The following CEP57L1 variants were observed in gnomAD, a reference collection of about 807,000 sequenced individuals.
The protein encoded by CEP57L1 is centrosomal protein CEP57L1.
In CEP57L1, 37 loss-of-function variants were observed where a neutral mutation model predicts 61.0. That is an observed-to-expected ratio of 0.61 (90% confidence interval 0.47 to 0.80). The LOEUF (loss-of-function observed/expected upper bound fraction) is 0.80, where lower values mean the gene tolerates loss of function less well. Among genes scored for constraint, CEP57L1 ranks in the 30% least tolerant of loss-of-function variants. CEP57L1 has a pLI of 0.00. For missense variants in CEP57L1, 422 were observed against 524.7 expected, an observed-to-expected ratio of 0.80 and a Z score of 1.91; for synonymous variants, 137 against 162.3, an observed-to-expected ratio of 0.84 and a Z score of 1.19.
intron 1 of CEP57L1, among the ~76,000 whole-genome samples, chr6:109,123,306 T>C (rs1773187821): frequency 6.6e-6 from 1 of 152,162 alleles, no homozygotes; most frequent in Non-Finnish European, 1.5e-5. Context: ...ATCTATAAAA[T>C]TGGCATGTCT....
intron 4 of CEP57L1, among the ~76,000 whole-genome samples, chr6:109,151,501 A>G (rs1006026549): frequency 6.6e-6 from 1 of 152,060 alleles, no homozygotes; most frequent in Admixed American, 6.5e-5. Flanking sequence ...TATAGTTTTC[A>G]TACATTTTAT....
rs1290567264 is a variant in CEP57L1 at position 109,165,406 on chromosome 6, C to CT, written c.*2437dup. Reference sequence around the variant, plus strand: ...AACACTCAATAAATATTTTTTGAATCTGAGTGGCAAAAAAAAAAAAAAAAT... The same window carrying CT: ...AACACTCAATAAATATTTTTTGAATCTTGAGTGGCAAAAAAAAAAAAAAAAT... On this transcript the variant is annotated 3_prime_UTR_variant, in exon 11 of 11. Transcript: ENST00000517392. Among the ~76,000 whole-genome samples the CT allele has an allele frequency of 6.8e-6, 1 of 146,212 alleles. No individual in the cohort carries two copies. Among genetic ancestry groups the CT allele is most frequent in the African/African-American group, 2.5e-5 (1 of 39,324 alleles).
intron 1 of CEP57L1, among the ~76,000 whole-genome samples, chr6:109,110,071 G>A (rs1771412348): frequency 6.6e-6 from 1 of 152,068 alleles, no homozygotes; most frequent in Non-Finnish European, 1.5e-5. Flanking sequence ...GGGATCACTG[G>A]GTCAAATGGT....
chr6:109,125,396 TG>T (rs1318165432), intron 1 of CEP57L1, among the ~76,000 whole-genome samples: 1 of 151,696 alleles, frequency 6.6e-6, no homozygotes, highest in African/African-American at 2.4e-5. Context: ...CAATTAATTC[TG>T]ACTATTAAGT....
rs189564991 is a variant in CEP57L1 at position 109,110,362 on chromosome 6, T to C, written c.-4+14787T>C. On this transcript the variant is annotated intron_variant, in intron 1 of 10. Transcript: ENST00000517392. ...TTCTTTTGAGAAGTGTCTGTTCATA[T>C]CCTTCACCCACTTTTTGACATGGTT... 1.1e-4 allele frequency among the ~76,000 whole-genome samples: 16 copies of C among 152,362 alleles called. 1 individual carries two copies. The East Asian group carries it at 2.9e-3, about 28-fold the overall frequency.
chr6:109,172,342 A>G lies in CEP57L1; in HGVS notation c.*9372A>G, dbSNP rs1774443319. ...CTGATAGCCCATGTGGCTGACCTTC[A>G]GTTTTCAGCCCCTCCAAAGATGGAG... On this transcript the variant is annotated 3_prime_UTR_variant, in exon 11 of 11. Coordinates refer to ENST00000517392, the MANE Select transcript of CEP57L1 (RefSeq NM_001271852.3). 6.6e-6 allele frequency among the ~76,000 whole-genome samples: 1 copy of G among 152,222 alleles called. No homozygotes were observed. Among genetic ancestry groups the G allele is most frequent in the South Asian group, 2.1e-4 (1 of 4,832 alleles).
At chr6:109,160,167 T>C (rs1730601458) in intron 9 of CEP57L1, among the ~76,000 whole-genome samples, 2 of 152,200 alleles carry the variant, frequency 1.3e-5, no homozygotes, top group Admixed American at 1.3e-4. Context: ...CTATTAACAG[T>C]ATTTCAGTAG....
chr6:109,116,110 ATTT>A (rs1376935546), intron 1 of CEP57L1, among the ~76,000 whole-genome samples: 166 of 148,456 alleles, frequency 1.1e-3, no homozygotes, highest in African/African-American at 4.0e-3. Context: ...ATTTTATTTT[ATTT>A]TATGTTATGT....
At chr6:109,105,968 CT>C (rs1770889384) in intron 1 of CEP57L1, 1 of 152,194 alleles carries the variant, frequency 6.6e-6, no homozygotes, top group African/African-American at 2.4e-5. Flanking sequence ...TGTGAGAGAT[CT>C]AGGTTGCACA....
At chr6:109,154,972 A>G (rs1773067486) in intron 5 of CEP57L1, among the ~76,000 whole-genome samples, 1 of 152,098 alleles carries the variant, frequency 6.6e-6, no homozygotes, top group African/African-American at 2.4e-5. Flanking sequence ...CTGGAAGTTA[A>G]TAAAGCCTGT....
intron 3 of CEP57L1, among the ~76,000 whole-genome samples, chr6:109,149,058 A>G (rs1184282235): frequency 2.0e-5 from 3 of 152,086 alleles, no homozygotes; most frequent in African/African-American, 4.8e-5. Context: ...ATTTTCTCCC[A>G]TTCTGTAGGT....
At chr6:109,152,787 AC>A (rs1772783128) in intron 4 of CEP57L1, among the ~76,000 whole-genome samples, 1 of 151,894 alleles carries the variant, frequency 6.6e-6, no homozygotes, top group Non-Finnish European at 1.5e-5. Flanking sequence ...CTTGTAAATA[AC>A]ACTATTTAAT....
intron 1 of CEP57L1, among the ~76,000 whole-genome samples, chr6:109,113,713 A>C (rs1478991500): frequency 6.6e-6 from 1 of 152,214 alleles, no homozygotes; most frequent in African/African-American, 2.4e-5. Context: ...ATGTATTAAC[A>C]TACAGTAGTA....
intron 1 of CEP57L1, among the ~76,000 whole-genome samples, chr6:109,132,773 T>C (rs1401521789): frequency 6.6e-6 from 1 of 152,220 alleles, no homozygotes; most frequent in African/African-American, 2.4e-5. Flanking sequence ...AAATTTTATA[T>C]TGTCGGTTTT....
At position 109,128,968 on chromosome 6, in the gene CEP57L1, G is replaced by A. The variant is rs188871653; in HGVS notation, c.-3-16251G>A. 3.6e-3 allele frequency among the ~76,000 whole-genome samples: 554 copies of A among 152,290 alleles called. 6 individuals are homozygous for A. Among genetic ancestry groups the A allele is most frequent in the African/African-American group, 0.012 (515 of 41,548 alleles). On this transcript the variant is annotated intron_variant, in intron 1 of 10. Transcript: ENST00000517392. ...AATCCCAGCACTTTGGGAGGCCGAG[G>A]CAGGTGGATCACCTGAGGTCAGGAG... is the stretch of plus-strand genomic sequence containing the variant.
At chr6:109,129,632 C>A in intron 1 of CEP57L1, 1 of 405,010 alleles carries the variant, frequency 2.5e-6, no homozygotes, top group Non-Finnish European at 5.0e-6. Flanking sequence ...AATTCCTGAG[C>A]CATTCGAGGA....
chr6:109,160,859 G>A, intron 10 of CEP57L1, 143 bp downstream of exon 10: 1 of 683,956 alleles, frequency 1.5e-6, no homozygotes, highest in Non-Finnish European at 2.2e-6. Flanking sequence ...GCCTATGACA[G>A]AATAGAGCCA....
At chr6:109,109,317 A>G (rs958890715) in intron 1 of CEP57L1, among the ~76,000 whole-genome samples, 1 of 152,240 alleles carries the variant, frequency 6.6e-6, no homozygotes, top group African/African-American at 2.4e-5. Context: ...TGATAGTAGC[A>G]TATTAAAGAT....
intron 5 of CEP57L1, among the ~76,000 whole-genome samples, chr6:109,154,556 T>G (rs539313302): frequency 1.3e-5 from 2 of 152,284 alleles, no homozygotes; most frequent in African/African-American, 4.8e-5. Context: ...TTGGGTGTCC[T>G]TAATCCAAAA....
Sources: gnomAD v4.1 joint callset for allele counts (sites outside exome capture counted in the v4.1 genomes callset) on GRCh38, gnomAD v4.1.1 for gene constraint, MANE v1.5 for transcripts, NCBI Gene and HGNC (gene_info 2026-07-23, HGNC 2026-07-21) for gene names.